The following ZGRF1 variants were observed in gnomAD, a reference collection of about 807,000 sequenced individuals.
The protein encoded by ZGRF1 is 5'-3' DNA helicase ZGRF1.
ZGRF1 carries 196 observed loss-of-function variants against 203.5 expected under a neutral mutation model. The ratio of observed to expected loss-of-function variants is 0.96; its 90% confidence interval spans 0.86 to 1.08. ZGRF1 has a LOEUF of 1.08. Ranked by LOEUF, ZGRF1 falls within the 50% of genes least tolerant of loss-of-function variation. The pLI is 0.00. For synonymous variants in ZGRF1, 809 were observed against 841.3 expected (o/e 0.96, Z 0.66); for missense variants, 2,326 against 2,416.3 (o/e 0.96, Z 0.78).
At position 112,617,676 on chromosome 4, in the gene ZGRF1, C is replaced by T; in HGVS notation, c.2366G>A (p.Gly789Glu). The T allele has an allele frequency of 6.2e-7, 1 of 1,613,946 alleles. No homozygotes were observed. The highest frequency in any genetic ancestry group is 8.5e-7 in the Non-Finnish European group (1 of 1,179,940). ...GTCAGGGGGTGGACTTCTAATCTTT[C>T]CCAAATCTTCAGGTTCAGATATATG... ...EAHISEPEDL[G>E]KIRSPPPDHV... Residue 789 changes from glycine (G) to glutamate (E), a missense_variant, in exon 6 of 28, where the codon GGA becomes GAA. Coordinates refer to ENST00000505019, the MANE Select transcript of ZGRF1 (RefSeq NM_018392.5).
chr4:112,596,799 C>A (rs1578398181), intron 10 of ZGRF1, among the ~76,000 whole-genome samples: 1 of 152,108 alleles, frequency 6.6e-6, no homozygotes, highest in Middle Eastern at 3.4e-3. Flanking sequence ...TGCCCCGTTG[C>A]CCAGGATGGT....
At chr4:112,554,500 C>CA (rs1234234893) in intron 21 of ZGRF1, among the ~76,000 whole-genome samples, 1 of 151,964 alleles carries the variant, frequency 6.6e-6, no homozygotes, top group Non-Finnish European at 1.5e-5. Flanking sequence ...TATGCAGCCA[C>CA]AAAAAATGAT....
chr4:112,597,908 G>GAA (rs35330505), intron 10 of ZGRF1, among the ~76,000 whole-genome samples: 2 of 91,620 alleles, frequency 2.2e-5, no homozygotes, highest in Non-Finnish European at 2.2e-5. Flanking sequence ...CACACACACT[G>GAA]AAAAAAAAAA....
At chr4:112,565,288 C>A (rs529853620) in intron 16 of ZGRF1, 164 of 1,534,542 alleles carry the variant, frequency 1.1e-4, no homozygotes, top group Non-Finnish European at 1.4e-4. Context: ...TGAGGCCTAT[C>A]TGGTTGGCCT....
intron 7 of ZGRF1, among the ~76,000 whole-genome samples, chr4:112,610,223 T>C (rs1459942030): frequency 6.6e-6 from 1 of 152,116 alleles, no homozygotes; most frequent in African/African-American, 2.4e-5. Context: ...ACGGTACTAG[T>C]AAAAATGAAG....
At chr4:112,589,414 G>GCTGT (rs1747770981) in intron 11 of ZGRF1, among the ~76,000 whole-genome samples, 1 of 152,158 alleles carries the variant, frequency 6.6e-6, no homozygotes, top group Admixed American at 6.6e-5. Context: ...ACAGGAAAGG[G>GCTGT]CTGTAAAGGG....
At chr4:112,555,177 T>C (rs1330820697) in intron 20 of ZGRF1, among the ~76,000 whole-genome samples, 1 of 152,218 alleles carries the variant, frequency 6.6e-6, no homozygotes, top group Non-Finnish European at 1.5e-5. Context: ...CCAGATGATA[T>C]CTACTCTTAG....
chr4:112,581,773 T>G lies in ZGRF1; in HGVS notation c.4328A>C (p.Tyr1443Ser). 6.8e-7 allele frequency: 1 copy of G among 1,474,392 alleles called. No homozygotes were observed. The highest frequency in any genetic ancestry group is 1.4e-5 in the African/African-American group (1 of 69,224). The allele number at this position is 1,474,392 out of a possible 1,614,324, so 91.3% of individuals were successfully genotyped here. The change falls in exon 16 of 28, where the codon TAT becomes TCT. Residue 1443 changes from tyrosine to serine, a missense_variant. By Grantham distance (144) the Tyr-to-Ser change is moderately radical. Transcript: ENST00000505019. ...RKGFDFQRKQ[Y>S]GKLKKFTTVN... ...AGTAGTAAACTTCTTTAGTTTGCCA[T>G]ACTGTTTTCTCTGAAAATCAAATCC...
intron 18 of ZGRF1, among the ~76,000 whole-genome samples, chr4:112,561,805 C>T (rs1286308654): frequency 6.6e-6 from 1 of 151,188 alleles, no homozygotes; most frequent in East Asian, 1.9e-4. Context: ...AAAATCAATA[C>T]TGAAATGATC....
intron 3 of ZGRF1, among the ~76,000 whole-genome samples, chr4:112,624,361 G>A (rs531411691): frequency 2.0e-5 from 3 of 151,998 alleles, no homozygotes; most frequent in Admixed American, 2.0e-4. Context: ...TACAGGCTGA[G>A]GCAGGAGAAT....
chr4:112,558,305 C>T lies in ZGRF1; in HGVS notation c.4965G>A (p.Val1655=). The part of the protein sequence containing the change: ...HTFPITIIHG[V]FGAGKSYLLA... ...GCAAGTAACTCTTTCCTGCTCCAAA[C>T]ACACCTAATTATTTTAAAAGAAGAA... The change falls in exon 20 of 28, where the codon GTG becomes GTA. Residue 1655 remains valine (V), a synonymous_variant. Transcript: ENST00000505019. 1 of 1,533,086 alleles carries T rather than the reference C, an allele frequency of 6.5e-7. No individual in the cohort carries two copies. Among genetic ancestry groups the T allele is most frequent in the Non-Finnish European group, 8.7e-7 (1 of 1,150,142 alleles). 95.0% of individuals were successfully genotyped at this position (1,533,086 alleles called of 1,614,324 possible). A position where few individuals can be genotyped will look rare whatever the true frequency, so the allele number is the denominator to read the frequency against.
chr4:112,589,535 G>A (rs1184619552), intron 11 of ZGRF1, 189 bp downstream of exon 11: 6 of 577,444 alleles, frequency 1.0e-5, no homozygotes, highest in Non-Finnish European at 1.8e-5. Context: ...TAGATAGCTA[G>A]AAGGGAATAT....
intron 16 of ZGRF1, among the ~76,000 whole-genome samples, chr4:112,563,897 T>C (rs1025834483): frequency 4.6e-5 from 7 of 152,192 alleles, no homozygotes; most frequent in South Asian, 2.1e-4. Flanking sequence ...ACCTCTCTTA[T>C]AAGGCCACTA....
At chr4:112,586,648 T>C (rs1486735389) in intron 12 of ZGRF1, 65 bp from the exon 13 acceptor site, 2 of 1,170,724 alleles carry the variant, frequency 1.7e-6, no homozygotes, top group Non-Finnish European at 2.3e-6. Flanking sequence ...AAAGAGTAAA[T>C]TATTTTTCAT....
chr4:112,573,619 G>A (rs908421013), intron 16 of ZGRF1, among the ~76,000 whole-genome samples: 4 of 152,078 alleles, frequency 2.6e-5, no homozygotes, highest in African/African-American at 7.2e-5. Flanking sequence ...AAATATAGGT[G>A]AGTAATTTTA....
At chr4:112,603,466 T>C in intron 10 of ZGRF1, 58 bp downstream of exon 10, 1 of 1,213,416 alleles carries the variant, frequency 8.2e-7, no homozygotes. Context: ...TTTCACAAAA[T>C]GTAGTATTAA....
chr4:112,613,426 G>T (rs562342744), intron 6 of ZGRF1, among the ~76,000 whole-genome samples: 1 of 152,030 alleles, frequency 6.6e-6, no homozygotes, highest in South Asian at 2.1e-4. Flanking sequence ...AGTGTGCCAG[G>T]CACTAGGGAA....
intron 24 of ZGRF1, among the ~76,000 whole-genome samples, chr4:112,545,351 T>C (rs1738538042): frequency 6.6e-6 from 1 of 152,038 alleles, no homozygotes; most frequent in Admixed American, 6.5e-5. Context: ...GAATAGGCAT[T>C]TCTTCAAAAA....
At chr4:112,579,022 A>G (rs1431395780) in intron 16 of ZGRF1, among the ~76,000 whole-genome samples, 1 of 123,286 alleles carries the variant, frequency 8.1e-6, no homozygotes, top group Non-Finnish European at 1.8e-5. Context: ...AAAATCCTCA[A>G]TAAAATACTG....
Sources: allele counts gnomAD v4.1 joint callset (sites outside exome capture counted in the v4.1 genomes callset), GRCh38; gene constraint gnomAD v4.1.1; transcripts MANE v1.5; gene names NCBI Gene and HGNC (gene_info 2026-07-23, HGNC 2026-07-21).